The following SH3TC1 variants were observed in gnomAD, a reference collection of about 807,000 sequenced individuals.
The protein encoded by SH3TC1 is SH3 domain and tetratricopeptide repeats 1.
A neutral mutation model predicts 117.3 loss-of-function variants in SH3TC1; 135 were observed. That is an observed-to-expected ratio of 1.15 (90% confidence interval 1.00 to 1.33). The LOEUF (loss-of-function observed/expected upper bound fraction) is 1.33. Among genes scored for constraint, SH3TC1 ranks in the 40% most tolerant of loss-of-function variants. The pLI is 0.00. For synonymous variants in SH3TC1, 898 were observed against 816.9 expected (o/e 1.10, Z -1.69); for missense variants, 2,092 against 1,794.3 (o/e 1.17, Z -3.00).
In SH3TC1 at chr4:8,218,381, A is replaced by C. The variant is rs574103104; in HGVS notation, c.916+34A>C. 5 of 1,542,784 alleles carry C rather than the reference A, an allele frequency of 3.2e-6. No individual in the cohort carries two copies. The South Asian group carries it at 4.6e-5, about 14-fold the overall frequency. On this transcript the variant is annotated intron_variant, in intron 8 of 17. Transcript: ENST00000245105. The stretch of plus-strand genomic sequence containing the variant: ...TTCCATGGGCCTCTCTTTTTTGGGG[A>C]AATGTGTGTGCTAGGGAGCAGCACC...
chr4:8,200,972 C>T (rs1159077754), intron 1 of SH3TC1, among the ~76,000 whole-genome samples: 1 of 152,206 alleles, frequency 6.6e-6, no homozygotes, highest in African/African-American at 2.4e-5. Context: ...GGGAAGGTCG[C>T]TTCATCTGCG....
chr4:8,214,434 G>A (rs771815640), intron 4 of SH3TC1, 41 bp from the exon 5 acceptor site: 3 of 1,577,504 alleles, frequency 1.9e-6, no homozygotes, highest in South Asian at 2.2e-5. Context: ...ATGCCCCAGA[G>A]CTCCTGGGGA....
intron 12 of SH3TC1, among the ~76,000 whole-genome samples, chr4:8,230,171 G>T (rs551774633): frequency 2.6e-5 from 4 of 152,196 alleles, no homozygotes; most frequent in African/African-American, 9.7e-5. Flanking sequence ...TGGCTGTTGC[G>T]TCTAGATGAT....
chr4:8,212,960 T>C (rs1003622025), intron 4 of SH3TC1, 132 bp downstream of exon 4: 36 of 1,292,418 alleles, frequency 2.8e-5, no homozygotes, highest in Non-Finnish European at 3.5e-5. Context: ...AGGACAGTGG[T>C]GGCCTTGGAG....
At position 8,226,962 on chromosome 4, in the gene SH3TC1, T is replaced by C; in HGVS notation, c.1286-18T>C. ...ACTGCTGGACTCTAATCTGTCTAGG[T>C]GTTTTTGTGACTTGCAGAAATACCT... On this transcript the variant is annotated intron_variant, in intron 11 of 17. Coordinates refer to ENST00000245105, the MANE Select transcript of SH3TC1 (RefSeq NM_018986.5). 1 of 1,518,954 alleles carries C rather than the reference T, an allele frequency of 6.6e-7. No individual in the cohort carries two copies. Among genetic ancestry groups the C allele is most frequent in the Non-Finnish European group, 8.8e-7 (1 of 1,130,790 alleles). The allele number at this position is 1,518,954 out of a possible 1,614,324, so 94.1% of individuals were successfully genotyped here. A position where few individuals can be genotyped will look rare whatever the true frequency, so the allele number is the denominator to read the frequency against.
rs556757862 is a variant in SH3TC1 at position 8,182,812 on chromosome 4, C to T, written c.-57+602C>T. Among the ~76,000 whole-genome samples, 6 of 152,312 alleles carry T rather than the reference C, an allele frequency of 3.9e-5. No individual in the cohort carries two copies. In the East Asian group the frequency reaches 1.2e-3, roughly 29 times the overall value. ...CTGTGTCTTTCATGCTGCCCCTGCC[C>T]TCCTGCTACACCAGTGCCAGGGGTC... On this transcript the variant is annotated intron_variant, in intron 1 of 16. Transcript: ENST00000508641.
At chr4:8,191,735 G>A (rs943813008) in intron 1 of SH3TC1, among the ~76,000 whole-genome samples, 1 of 152,152 alleles carries the variant, frequency 6.6e-6, no homozygotes, top group African/African-American at 2.4e-5. Context: ...ATTTGTGCAG[G>A]TCCTTCCCCC....
chr4:8,212,465 A>C (rs1268898460), intron 3 of SH3TC1, among the ~76,000 whole-genome samples: 1 of 152,172 alleles, frequency 6.6e-6, no homozygotes, highest in East Asian at 1.9e-4. Context: ...CCACCACTCC[A>C]CAGGACAGGC....
intron 1 of SH3TC1, chr4:8,201,709 C>T (rs957290378): frequency 1.6e-4 from 24 of 152,388 alleles, no homozygotes; most frequent in African/African-American, 5.8e-4. Context: ...AGGGTTATAA[C>T]AGCAGGTGGG....
intron 12 of SH3TC1, chr4:8,231,686 C>T (rs761306721): frequency 2.5e-4 from 108 of 433,584 alleles, no homozygotes; most frequent in Non-Finnish European, 3.8e-4. Flanking sequence ...GGGCTGAAGG[C>T]GGCCCTGGTC....
At chr4:8,224,045 A>ACACG (rs3842007) in intron 10 of SH3TC1, among the ~76,000 whole-genome samples, 65,639 of 113,728 alleles carry the variant, frequency 0.58, 15,184 homozygotes, top group East Asian at 0.65. Flanking sequence ...TCACAAGTAT[A>ACACG]CACACACACA....
chr4:8,199,122 C>T (rs977615757), upstream of SH3TC1, among the ~76,000 whole-genome samples: 7 of 152,224 alleles, frequency 4.6e-5, no homozygotes, highest in African/African-American at 1.4e-4. Context: ...AGGGCCTGGA[C>T]CTCGTCCAGG....
At chr4:8,196,187 G>T (rs982728996), upstream of SH3TC1, among the ~76,000 whole-genome samples, 5 of 152,218 alleles carry the variant, frequency 3.3e-5, no homozygotes, top group Non-Finnish European at 7.3e-5. This position sits in a 1 kb window ranked among gnomAD's most constrained non-coding sequence, Gnocchi z 4.6. Context: ...TAATCTTTAC[G>T]ATGACTCAGG....
At position 8,190,441 on chromosome 4, in the gene SH3TC1, G is replaced by A. The variant is rs1318682593; in HGVS notation, c.-57+8231G>A. Among the ~76,000 whole-genome samples the A allele has an allele frequency of 2.6e-5, 4 of 152,182 alleles. No individual in the cohort carries two copies. Among genetic ancestry groups the A allele is most frequent in the Non-Finnish European group, 5.9e-5 (4 of 68,028 alleles). The stretch of plus-strand genomic sequence containing the variant: ...GAAAGTTGGGGCTCTGAGGAGTTCG[G>A]GCCTATGGGATTGGAGGTCCTGGGG... On this transcript the variant is annotated intron_variant, in intron 1 of 16. Transcript: ENST00000508641. The surrounding 1 kb of genome is among the most constrained non-coding windows in gnomAD (Gnocchi z 4.7).
intron 11 of SH3TC1, among the ~76,000 whole-genome samples, chr4:8,226,509 G>A (rs182004898): frequency 2.0e-5 from 3 of 152,342 alleles, no homozygotes; most frequent in East Asian, 3.9e-4. Context: ...CAGTAGCTCT[G>A]ACTGGCTGTT....
chr4:8,224,906 A>G, intron 10 of SH3TC1: 1 of 477,022 alleles, frequency 2.1e-6, no homozygotes, highest in Non-Finnish European at 3.7e-6. Context: ...CTAGAACATG[A>G]GAATTCTCTG....
At chr4:8,196,749 G>A (rs2152975469), upstream of SH3TC1, among the ~76,000 whole-genome samples, 1 of 152,252 alleles carries the variant, frequency 6.6e-6, no homozygotes, top group East Asian at 1.9e-4. This position sits in a 1 kb window ranked among gnomAD's most constrained non-coding sequence, Gnocchi z 4.6. Flanking sequence ...GGGGCTGGCA[G>A]GTGTCTGCAA....
In SH3TC1 at chr4:8,205,393, G is replaced by A. The variant is rs373897411; in HGVS notation, c.172+27G>A. On this transcript the variant is annotated intron_variant, in intron 2 of 17. Transcript: ENST00000245105. The surrounding 1 kb of genome is among the most constrained non-coding windows in gnomAD (Gnocchi z 5.4). ...TGAGTTCATTCCACCCTCACCACCC[G>A]CCCTCCATCCCACCCACTTCTCCAC... 78 of 1,397,472 alleles carry A rather than the reference G, an allele frequency of 5.6e-5. No individual in the cohort carries two copies. Among genetic ancestry groups the A allele is most frequent in the Admixed American group, 9.1e-5 (4 of 43,834 alleles). The allele number at this position is 1,397,472 out of a possible 1,614,324, so 86.6% of individuals were successfully genotyped here.
intron 9 of SH3TC1, among the ~76,000 whole-genome samples, chr4:8,221,403 G>A (rs751482038): frequency 4.6e-5 from 7 of 152,018 alleles, no homozygotes; most frequent in Admixed American, 1.3e-4. Flanking sequence ...TTCCAGACCC[G>A]GGGTTTTCAT....
Sources: allele counts gnomAD v4.1 joint callset (sites outside exome capture counted in the v4.1 genomes callset), GRCh38; gene constraint gnomAD v4.1.1; non-coding constraint Gnocchi (gnomAD v3.1); transcripts MANE v1.5; gene names NCBI Gene and HGNC (gene_info 2026-07-23, HGNC 2026-07-21).